SETD6: variants seen among roughly 807,000 people sequenced by gnomAD.
SETD6 encodes SET domain containing 6, protein lysine methyltransferase.
A neutral mutation model predicts 52.7 loss-of-function variants in SETD6; 67 were observed. The observed-to-expected ratio is 1.27, with a 90% CI of 1.04 to 1.56. The LOEUF is 1.56. Ranked by LOEUF, SETD6 falls within the 40% of genes most tolerant of loss-of-function variation. SETD6 has a pLI of 0.00. For missense variants in SETD6, 712 were observed against 607.5 expected (o/e 1.17, Z -1.81); for synonymous variants, 307 against 250.2 (o/e 1.23, Z -2.14).
chr16:58,521,449 A>C lies in SETD6; in HGVS notation c.*2420A>C. On this transcript the variant is annotated 3_prime_UTR_variant, in exon 8 of 8. Coordinates refer to ENST00000219315, the MANE Select transcript of SETD6 (RefSeq NM_001160305.4). ...AAAAGTTTTCACCTTTAGTAAAGAC[A>C]GGTGGATTAATATACTCCAAATAGC... is the stretch of plus-strand genomic sequence containing the variant. The C allele has an allele frequency of 1.2e-6, 1 of 842,874 alleles. No homozygotes were observed. The highest frequency in any genetic ancestry group is 2.6e-5 in the East Asian group (1 of 39,034). The allele number at this position is 842,874 out of a possible 1,614,324, so 52.2% of individuals were successfully genotyped here. A position where few individuals can be genotyped will look rare whatever the true frequency, so the allele number is the denominator to read the frequency against.
Position 58,515,796 on chromosome 16 carries a change from G to C in SETD6, c.33G>C (p.Ala11=). The change falls in exon 2 of 8, where the codon GCG becomes GCC. Residue 11 remains alanine (A), a synonymous_variant. Transcript: ENST00000219315. The stretch of plus-strand genomic sequence containing the variant: ...ACTGCGCGCACTTATCTCAGGTGGC[G>C]GGGCCCGTGGACGGCGGCGACCTGG... MATQAKRPRV[A]GPVDGGDLDP... is the part of the protein sequence containing the mutation. 1 of 1,511,552 alleles carries C rather than the reference G, an allele frequency of 6.6e-7. No individual in the cohort carries two copies. Among genetic ancestry groups the C allele is most frequent in the Middle Eastern group, 1.7e-4 (1 of 5,786 alleles). The allele number at this position is 1,511,552 out of a possible 1,614,324, so 93.6% of individuals were successfully genotyped here.
rs767435349 is a variant in SETD6, at chr16:58,515,602, G to C, written c.27+38G>C. On this transcript the variant is annotated intron_variant, in intron 1 of 7. Transcript: ENST00000219315. ...CGCGGGGTCCAGCCTTTTCCTCCGCGCCTCACCCCTTCTCCGTTCGCAGAA... is the reference window on the plus strand; with the variant it reads ...CGCGGGGTCCAGCCTTTTCCTCCGCCCCTCACCCCTTCTCCGTTCGCAGAA... 1.1e-5 allele frequency: 16 copies of C among 1,511,246 alleles called. No homozygotes were observed. In the Admixed American group the frequency reaches 2.8e-4, roughly 27 times the overall value. The allele number at this position is 1,511,246 out of a possible 1,614,324, so 93.6% of individuals were successfully genotyped here.
At chr16:58,518,367 T>C (rs755453641) in intron 6 of SETD6, 34 bp from the exon 7 acceptor site, 1 of 1,582,410 alleles carries the variant, frequency 6.3e-7, no homozygotes, top group Non-Finnish European at 8.6e-7. Context: ...CCCTTGGGTG[T>C]ACTGAGACTT....
chr16:58,518,870 A>G lies in SETD6; in HGVS notation c.1263A>G (p.Leu421=). 6.2e-7 allele frequency: 1 copy of G among 1,614,230 alleles called. No homozygotes were observed. Among genetic ancestry groups the G allele is most frequent in the South Asian group, 1.1e-5 (1 of 91,090 alleles). ...SWRQLLQNSV[L]LTLQTYATDL... ...GACAGCTGCTTCAAAACAGTGTTCT[A>G]CTGACTTTGCAGACCTATGCCACAG... The change falls in exon 8 of 8, where the codon CTA becomes CTG. Residue 421 remains leucine, a synonymous_variant. Transcript: ENST00000219315.
intron 5 of SETD6, chr16:58,517,135 TATACTACC>T: frequency 1.5e-6 from 1 of 668,728 alleles, no homozygotes; most frequent in Non-Finnish European, 2.6e-6. Flanking sequence ...TCTGATAAAC[TATACTACC>T]ATCATTTATT....
In SETD6 at chr16:58,518,415, G is replaced by C; in HGVS notation, c.988G>C (p.Ala330Pro). 6.3e-7 allele frequency: 1 copy of C among 1,581,556 alleles called. No homozygotes were observed. The highest frequency in any genetic ancestry group is 8.5e-7 in the Non-Finnish European group (1 of 1,169,838). ...TTCATCTACAGGAACAAAAACTGAAGCTGAAAGGCACCTAGTGTACGAGCG... is the reference window on the plus strand; with the variant it reads ...TTCATCTACAGGAACAAAAACTGAACCTGAAAGGCACCTAGTGTACGAGCG... ...EAALQGTKTE[A>P]ERHLVYERWD... Residue 330 changes from alanine (A) to proline (P), a missense_variant, in exon 7 of 8, where the codon GCT becomes CCT. Physicochemically the swap from Ala to Pro is conservative, Grantham distance 27 (BLOSUM62 -1). Transcript: ENST00000219315.
rs778786558 is a variant in SETD6 at position 58,518,500 on chromosome 16, G to A, written c.1073G>A (p.Arg358Lys). ...VGEEGAFVIGREEVLTEEELT... is the reference protein window; with the variant it reads ...VGEEGAFVIGKEEVLTEEELT... The stretch of plus-strand genomic sequence containing the variant: ...GAAGAGGGAGCCTTTGTGATAGGGA[G>A]GGAGGAGGTGCTGACTGAAGAGGAG... The change falls in exon 7 of 8, where the codon AGG becomes AAG. Residue 358 changes from arginine (R) to lysine (K), a missense_variant. Coordinates refer to ENST00000219315, the MANE Select transcript of SETD6 (RefSeq NM_001160305.4). The A allele has an allele frequency of 1.9e-6, 3 of 1,592,974 alleles. No individual in the cohort carries two copies.
At position 58,521,950 on chromosome 16, in the gene SETD6, CA is replaced by C. The variant is rs946488695; in HGVS notation, c.*2924del. On this transcript the variant is annotated 3_prime_UTR_variant, in exon 8 of 8. Transcript: ENST00000219315. ...TGGGAGACAGAGTGAGACCCTGTCT[CA>C]AATAAACAGATAAATTAAATAAATA... is the stretch of plus-strand genomic sequence containing the variant. 1.4e-4 allele frequency among the ~76,000 whole-genome samples: 22 copies of C among 151,968 alleles called. No homozygotes were observed. The highest frequency in any genetic ancestry group is 4.8e-4 in the African/African-American group (20 of 41,442).
In SETD6 at chr16:58,519,209, G is replaced by T; in HGVS notation, c.*180G>T. On this transcript the variant is annotated 3_prime_UTR_variant, in exon 8 of 8. Coordinates refer to ENST00000219315, the MANE Select transcript of SETD6 (RefSeq NM_001160305.4). ...TAAGGGTGATGTGTTTTAGGATTGA[G>T]AACAGCAGACTTGGGAATCACTGCT... The T allele has an allele frequency of 1.6e-6, 1 of 607,052 alleles. No individual in the cohort carries two copies. Among genetic ancestry groups the T allele is most frequent in the Non-Finnish European group, 2.8e-6 (1 of 353,690 alleles). The allele number at this position is 607,052 out of a possible 1,614,324, so 37.6% of individuals were successfully genotyped here.
Position 58,520,845 on chromosome 16 carries a change from C to T in SETD6, c.*1816C>T. On this transcript the variant is annotated 3_prime_UTR_variant, in exon 8 of 8. Transcript: ENST00000219315. ...CAACAGTAGTTGGGGCAGATACCCA[C>T]AAACCAAAGGGCTGGGAAAGTCAGG... 2 of 1,130,032 alleles carry T rather than the reference C, an allele frequency of 1.8e-6. No homozygotes were observed. The highest frequency in any genetic ancestry group is 2.6e-5 in the South Asian group (2 of 75,806). 70.0% of individuals were successfully genotyped at this position (1,130,032 alleles called of 1,614,324 possible).
In SETD6 at chr16:58,520,862, A is replaced by T. The variant is rs930909837; in HGVS notation, c.*1833A>T. ...GATACCCACAAACCAAAGGGCTGGG[A>T]AAGTCAGGAAGAGCTGAAAGGATTC... On this transcript the variant is annotated 3_prime_UTR_variant, in exon 8 of 8. Coordinates refer to ENST00000219315, the MANE Select transcript of SETD6 (RefSeq NM_001160305.4). The T allele has an allele frequency of 7.7e-7, 1 of 1,291,936 alleles. No individual in the cohort carries two copies. Among genetic ancestry groups the T allele is most frequent in the Non-Finnish European group, 1.1e-6 (1 of 904,232 alleles). The allele number at this position is 1,291,936 out of a possible 1,614,324, so 80.0% of individuals were successfully genotyped here.
At position 58,518,975 on chromosome 16, in the gene SETD6, G is replaced by C. The variant is rs1193385637; in HGVS notation, c.1368G>C (p.Gln456His). ...KLSWREQQALQVRYGQKMILH... is the reference protein window; with the variant it reads ...KLSWREQQALHVRYGQKMILH... Reference sequence around the variant, plus strand: ...GCTGGAGGGAACAGCAAGCCTTACAGGTTCGCTATGGTCAGAAGATGATCT... The same window carrying C: ...GCTGGAGGGAACAGCAAGCCTTACACGTTCGCTATGGTCAGAAGATGATCT... The change falls in exon 8 of 8, where the codon CAG (glutamine) becomes CAC (histidine). Residue 456 changes from glutamine to histidine, a missense_variant. Coordinates refer to ENST00000219315, the MANE Select transcript of SETD6 (RefSeq NM_001160305.4). 6.2e-7 allele frequency: 1 copy of C among 1,614,152 alleles called. No homozygotes were observed.
intron 5 of SETD6, 130 bp downstream of exon 5, chr16:58,517,058 CAT>C (rs762748078): frequency 7.7e-7 from 1 of 1,306,006 alleles, no homozygotes; most frequent in Non-Finnish European, 1.1e-6. Flanking sequence ...TTTTAGTATG[CAT>C]ATTACTGTAG....
At chr16:58,516,757 C>T in intron 4 of SETD6, 51 bp from the exon 5 acceptor site, 2 of 1,611,898 alleles carry the variant, frequency 1.2e-6, no homozygotes, top group South Asian at 1.1e-5. Flanking sequence ...TGAAATCCAC[C>T]CCCAGTCCCT....
In SETD6 at chr16:58,516,697, C is replaced by T. The variant is rs1272166635; in HGVS notation, c.671+25C>T. On this transcript the variant is annotated intron_variant, in intron 4 of 7. Coordinates refer to ENST00000219315, the MANE Select transcript of SETD6 (RefSeq NM_001160305.4). ...GGTCAGTGGGTGGGGCCTCTGAGGACGGAACCCTTTTCTTTACAACTCTAT... is the reference window on the plus strand; with the variant it reads ...GGTCAGTGGGTGGGGCCTCTGAGGATGGAACCCTTTTCTTTACAACTCTAT... 10 of 1,609,674 alleles carry T rather than the reference C, an allele frequency of 6.2e-6. No homozygotes were observed. In the Admixed American group the frequency reaches 1.3e-4, roughly 22 times the overall value.
chr16:58,518,822 TC>T lies in SETD6; in HGVS notation c.1218del (p.Lys407SerfsTer16). 6.2e-7 allele frequency: 1 copy of T among 1,614,150 alleles called. No individual in the cohort carries two copies. Among genetic ancestry groups the T allele is most frequent in the Non-Finnish European group, 8.5e-7 (1 of 1,180,024 alleles). ...EEGSLTITNI[P>X]KLKASWRQLL... ...AGGGCAGCCTGACGATCACAAATATTCCCAAGCTCAAAGCATCGTGGAGACA... is the reference window on the plus strand; with the variant it reads ...AGGGCAGCCTGACGATCACAAATATTCCAAGCTCAAAGCATCGTGGAGACA... On this transcript the variant is annotated frameshift_variant, in exon 8 of 8. Coordinates refer to ENST00000219315, the MANE Select transcript of SETD6 (RefSeq NM_001160305.4). LOFTEE classifies it high-confidence loss of function.
chr16:58,516,450 G>A (rs760828197), intron 3 of SETD6, 28 bp from the exon 4 acceptor site: 1 of 1,613,500 alleles, frequency 6.2e-7, no homozygotes. Context: ...AAGGAATGAA[G>A]GGAACCTGGG....
In SETD6 at chr16:58,516,491, C is replaced by T. The variant is rs755451950; in HGVS notation, c.490C>T (p.Arg164Cys). 15 of 1,613,794 alleles carry T rather than the reference C, an allele frequency of 9.3e-6. No homozygotes were observed. Among genetic ancestry groups the T allele is most frequent in the Non-Finnish European group, 1.2e-5 (14 of 1,179,912 alleles). Residue 164 changes from arginine to cysteine, a missense_variant, in exon 4 of 8, where the codon CGC (arginine) becomes TGC (cysteine). Coordinates refer to ENST00000219315, the MANE Select transcript of SETD6 (RefSeq NM_001160305.4). ...EHPMFWPEEE[R>C]RCLLQGTGVP... ...GTGTCCCTGCAGGCCAGAGGAGGAG[C>T]GCCGGTGCCTGCTCCAGGGCACAGG...
intron 1 of SETD6, 103 bp from the exon 2 acceptor site, chr16:58,515,688 C>G: frequency 1.4e-6 from 2 of 1,404,336 alleles, no homozygotes; most frequent in Non-Finnish European, 1.8e-6. Flanking sequence ...CCGCTCGTCC[C>G]CTCCTCCACC....
Sources: gnomAD v4.1 joint callset for allele counts (sites outside exome capture counted in the v4.1 genomes callset) on GRCh38, gnomAD v4.1.1 for gene constraint, MANE v1.5 for transcripts, NCBI Gene and HGNC (gene_info 2026-07-23, HGNC 2026-07-21) for gene names.